TOPBP1: variants seen among roughly 807,000 people sequenced by gnomAD.
TOPBP1 encodes DNA topoisomerase II binding protein 1, also known as DNA topoisomerase 2-binding protein 1.
A neutral mutation model predicts 167.7 loss-of-function variants in TOPBP1; 28 were observed. The ratio of observed to expected loss-of-function variants is 0.17; its 90% CI spans 0.12 to 0.23. The LOEUF is 0.23. TOPBP1 is among the 10% of genes least tolerant of loss of function. The probability of loss-of-function intolerance (pLI) is 1.00; values close to 1 mark genes in which losing one functional copy is unlikely to be tolerated. For missense variants in TOPBP1, 1,554 were observed against 1,809.6 expected (o/e 0.86, Z 2.56); for synonymous variants, 598 against 611.4 (o/e 0.98, Z 0.32).
At chr3:133,619,111 C>CAAAAAAAAAAAAAAAAAAA (rs71136485) in intron 20 of TOPBP1, among the ~76,000 whole-genome samples, 2 of 103,542 alleles carry the variant, frequency 1.9e-5, no homozygotes, top group Admixed American at 1.0e-4. Context: ...TGTGGAGAAG[C>CAAAAAAAAAAAAAAAAAAA]AAAAAAAAAA....
intron 14 of TOPBP1, among the ~76,000 whole-genome samples, chr3:133,633,705 T>C (rs1316363405): frequency 6.6e-6 from 1 of 152,206 alleles, no homozygotes; most frequent in African/African-American, 2.4e-5. Context: ...GGTGGAAGTA[T>C]TGCTTGAGTC....
At chr3:133,617,720 GA>G (rs1205729881) in intron 21 of TOPBP1, among the ~76,000 whole-genome samples, 1 of 151,820 alleles carries the variant, frequency 6.6e-6, no homozygotes, top group Non-Finnish European at 1.5e-5. Flanking sequence ...CATGCAATGT[GA>G]AAAAGAAGAA....
chr3:133,614,402 C>T lies in TOPBP1; in HGVS notation c.3872-1850G>A, dbSNP rs187650176. 3.5e-3 allele frequency among the ~76,000 whole-genome samples: 533 copies of T among 152,172 alleles called. 1 individual carries two copies. The highest frequency in any genetic ancestry group is 0.012 in the African/African-American group (478 of 41,522). On this transcript the variant is annotated intron_variant, in intron 23 of 27. Transcript: ENST00000260810. ...AATTCTACATAACAAACTTATTCTGCGACCCAGACAACATAATAGACTGAT... is the reference window on the plus strand; with the variant it reads ...AATTCTACATAACAAACTTATTCTGTGACCCAGACAACATAATAGACTGAT...
rs567460684 is a variant in TOPBP1, at chr3:133,620,446, T to C, written c.3179-99A>G. The C allele has an allele frequency of 1.5e-4, 183 of 1,198,192 alleles. 2 individuals are homozygous for C. The South Asian group carries it at 1.6e-3, about 10-fold the overall frequency. 74.2% of individuals were successfully genotyped at this position (1,198,192 alleles called of 1,614,324 possible). A position where few individuals can be genotyped will look rare whatever the true frequency, so the allele number is the denominator to read the frequency against. ...TTAGACCTGGTTGAACACAAACTTA[T>C]TGACTTGACATTTACTGAATATTAA... On this transcript the variant is annotated intron_variant, in intron 19 of 27. Coordinates refer to ENST00000260810, the MANE Select transcript of TOPBP1 (RefSeq NM_007027.4).
At chr3:133,620,576 C>CTTTTTTTT (rs532343890) in intron 19 of TOPBP1, among the ~76,000 whole-genome samples, 1 of 135,080 alleles carries the variant, frequency 7.4e-6, no homozygotes, top group Non-Finnish European at 1.6e-5. Flanking sequence ...CCTTCAAATA[C>CTTTTTTTT]TTTTTTTTTT....
chr3:133,625,599 C>T (rs1433805468), intron 16 of TOPBP1, among the ~76,000 whole-genome samples: 5 of 151,788 alleles, frequency 3.3e-5, no homozygotes, highest in African/African-American at 7.3e-5. Flanking sequence ...GGTGTGGTGG[C>T]GCATGCCTGT....
At chr3:133,634,990 G>A (rs1186989648) in intron 14 of TOPBP1, among the ~76,000 whole-genome samples, 1 of 152,140 alleles carries the variant, frequency 6.6e-6, no homozygotes. Flanking sequence ...AAATAGAAGA[G>A]AGAAAAGGGG....
intron 12 of TOPBP1, among the ~76,000 whole-genome samples, chr3:133,640,746 T>C (rs1305155067): frequency 1.3e-5 from 2 of 152,096 alleles, no homozygotes; most frequent in Admixed American, 1.3e-4. Flanking sequence ...CCCCACACCT[T>C]GTCCTTTCCT....
At position 133,641,796 on chromosome 3, in the gene TOPBP1, T is replaced by C. The variant is rs959529318; in HGVS notation, c.2021+1404A>G. 3.3e-5 allele frequency among the ~76,000 whole-genome samples: 5 copies of C among 152,326 alleles called. No individual in the cohort carries two copies. The South Asian group carries it at 1.0e-3, about 32-fold the overall frequency. Reference sequence around the variant, plus strand: ...GTTATTATCTTCCACAATTTCAGTTTTAAAAGAATTTTATTATTTCATATA... The same window carrying C: ...GTTATTATCTTCCACAATTTCAGTTCTAAAAGAATTTTATTATTTCATATA... On this transcript the variant is annotated intron_variant, in intron 12 of 27. Transcript: ENST00000260810.
intron 19 of TOPBP1, 86 bp from the exon 20 acceptor site, chr3:133,620,433 GA>G (rs1158425138): frequency 7.4e-7 from 1 of 1,343,208 alleles, no homozygotes; most frequent in East Asian, 2.3e-5. Flanking sequence ...AGACCTGGTT[GA>G]ACACAAACTT....
At chr3:133,642,267 G>C (rs1935913888) in intron 12 of TOPBP1, among the ~76,000 whole-genome samples, 1 of 152,122 alleles carries the variant, frequency 6.6e-6, no homozygotes, top group African/African-American at 2.4e-5. Flanking sequence ...TGGGATTACA[G>C]GTGTGAGCCA....
At chr3:133,623,031 CA>C (rs1935146058) in intron 19 of TOPBP1, 59 bp downstream of exon 19, 2 of 1,038,576 alleles carry the variant, frequency 1.9e-6, no homozygotes, top group Admixed American at 2.9e-5. Flanking sequence ...CCCATCTCCA[CA>C]AAAAATTGAG....
chr3:133,649,883 C>T lies in TOPBP1; in HGVS notation c.1150G>A (p.Gly384Arg). The change falls in exon 9 of 28, where the codon GGA (glycine) becomes AGA (arginine). Residue 384 changes from glycine (G) to arginine (R), a missense_variant. By Grantham distance (125) the Gly-to-Arg change is moderately radical (BLOSUM62 -2). Coordinates refer to ENST00000260810, the MANE Select transcript of TOPBP1 (RefSeq NM_007027.4). ...LDKLRRLINSGGGVRFNQLNE... is the reference protein window; with the variant it reads ...LDKLRRLINSRGGVRFNQLNE... ...AGCTGGTTAAAACGAACTCCACCTCCACTGTTAATAAGTCTTCTCAGTTTA... is the reference window on the plus strand; with the variant it reads ...AGCTGGTTAAAACGAACTCCACCTCTACTGTTAATAAGTCTTCTCAGTTTA... 6.2e-7 allele frequency: 1 copy of T among 1,612,566 alleles called. No individual in the cohort carries two copies. Among genetic ancestry groups the T allele is most frequent in the Non-Finnish European group, 8.5e-7 (1 of 1,179,348 alleles).
chr3:133,601,456 A>G lies in TOPBP1; in HGVS notation c.4426-63T>C. 3 of 1,276,340 alleles carry G rather than the reference A, an allele frequency of 2.4e-6. No homozygotes were observed. The South Asian group carries it at 4.9e-5, about 21-fold the overall frequency. 79.1% of individuals were successfully genotyped at this position (1,276,340 alleles called of 1,614,324 possible). Reference sequence around the variant, plus strand: ...TCAAACATTTACGTGATCTGGTAATAGATTTTTTCTTTAAATCTCAGACCT... The same window carrying G: ...TCAAACATTTACGTGATCTGGTAATGGATTTTTTCTTTAAATCTCAGACCT... On this transcript the variant is annotated intron_variant, in intron 27 of 27. Coordinates refer to ENST00000260810, the MANE Select transcript of TOPBP1 (RefSeq NM_007027.4).
intron 23 of TOPBP1, among the ~76,000 whole-genome samples, chr3:133,615,282 C>A (rs944581840): frequency 3.9e-5 from 6 of 152,108 alleles, no homozygotes; most frequent in African/African-American, 1.4e-4. Context: ...CCAGCCTGGC[C>A]AACATGGTGA....
At chr3:133,613,863 G>C (rs1021403232) in intron 23 of TOPBP1, among the ~76,000 whole-genome samples, 1 of 147,842 alleles carries the variant, frequency 6.8e-6, no homozygotes, top group Non-Finnish European at 1.5e-5. Context: ...GCGCGATCTC[G>C]ACTCACTGCA....
intron 24 of TOPBP1, among the ~76,000 whole-genome samples, chr3:133,612,049 T>TC (rs1934699393): frequency 6.6e-6 from 1 of 151,962 alleles, no homozygotes; most frequent in Admixed American, 6.6e-5. Context: ...ACTTACTTTT[T>TC]TTTTTTTTTT....
chr3:133,619,368 G>A (rs1028742937), intron 20 of TOPBP1, among the ~76,000 whole-genome samples: 1 of 152,034 alleles, frequency 6.6e-6, no homozygotes, highest in Non-Finnish European at 1.5e-5. Context: ...TACAGTTAGC[G>A]TAAGATAAAT....
chr3:133,633,973 G>A (rs1240277500), intron 14 of TOPBP1, among the ~76,000 whole-genome samples: 1 of 152,094 alleles, frequency 6.6e-6, no homozygotes, highest in Non-Finnish European at 1.5e-5. Flanking sequence ...CAACTACTTG[G>A]ATATCTAATA....
Sources: gnomAD v4.1 joint callset for allele counts (sites outside exome capture counted in the v4.1 genomes callset) on GRCh38, gnomAD v4.1.1 for gene constraint, MANE v1.5 for transcripts, NCBI Gene and HGNC (gene_info 2026-07-23, HGNC 2026-07-21) for gene names.